The following CRB1 variants were observed in gnomAD, a reference collection of about 807,000 sequenced individuals.
The protein encoded by CRB1 is crumbs cell polarity complex component 1.
Under a neutral mutation model 120.0 loss-of-function variants are expected in CRB1, and 83 were observed. The ratio of observed to expected loss-of-function variants is 0.69; its 90% CI spans 0.58 to 0.83. The LOEUF is 0.83. Among genes scored for constraint, CRB1 ranks in the 40% least tolerant of loss-of-function variants. The pLI is 0.00. For synonymous variants in CRB1, 625 were observed against 612.5 expected (o/e 1.02, Z -0.30); for missense variants, 1,699 against 1,687.6 (o/e 1.01, Z -0.12).
intron 5 of CRB1, among the ~76,000 whole-genome samples, chr1:197,416,762 T>G (rs1571511271): frequency 6.6e-6 from 1 of 152,174 alleles, no homozygotes; most frequent in South Asian, 2.1e-4. Flanking sequence ...CCGGCTGGAG[T>G]GCAGTGGCAC....
At chr1:197,219,125 C>T in the CRB1 span, among the ~76,000 whole-genome samples, 2 of 152,256 alleles carry the variant, frequency 1.3e-5, no homozygotes, top group South Asian at 4.2e-4. Flanking sequence ...AAGCATAAGA[C>T]ATGAGTATGA....
At chr1:197,457,071 C>G (rs1368261735) in intron 11 of CRB1, among the ~76,000 whole-genome samples, 2 of 151,996 alleles carry the variant, frequency 1.3e-5, no homozygotes, top group African/African-American at 4.8e-5. Context: ...ACCCTAAAAC[C>G]CTCATTTCAT....
At chr1:197,418,658 A>G (rs1193298152) in intron 5 of CRB1, among the ~76,000 whole-genome samples, 1 of 152,214 alleles carries the variant, frequency 6.6e-6, no homozygotes, top group African/African-American at 2.4e-5. Context: ...ACACAAAAAG[A>G]TCACTTTGGT....
At chr1:197,428,251 C>G (rs1202368578) in intron 7 of CRB1, among the ~76,000 whole-genome samples, 1 of 152,286 alleles carries the variant, frequency 6.6e-6, no homozygotes, top group Middle Eastern at 3.4e-3. Flanking sequence ...ATAGGCTTCT[C>G]TCACCCTCAC....
At chr1:197,228,893 A>G in the CRB1 span, among the ~76,000 whole-genome samples, 1 of 152,328 alleles carries the variant, frequency 6.6e-6, no homozygotes, top group Middle Eastern at 3.4e-3. Context: ...AGCAAGAGAA[A>G]ATGAGGAGGT....
chr1:197,222,738 A>G, the CRB1 span: 20 of 892,246 alleles, frequency 2.2e-5, no homozygotes, highest in Non-Finnish European at 3.8e-5. Flanking sequence ...GAGTAGGAAC[A>G]ATGGAGTTGA....
chr1:197,342,587 C>T (rs1260573689), intron 2 of CRB1, among the ~76,000 whole-genome samples: 1 of 152,148 alleles, frequency 6.6e-6, no homozygotes, highest in Non-Finnish European at 1.5e-5. Flanking sequence ...ATTTGACACG[C>T]TGGCTGCTCC....
chr1:197,421,585 C>T lies in CRB1; in HGVS notation c.1757C>T (p.Ser586Phe). The T allele has an allele frequency of 6.2e-7, 1 of 1,614,176 alleles. No homozygotes were observed. The highest frequency in any genetic ancestry group is 8.5e-7 in the Non-Finnish European group (1 of 1,180,042). The change falls in exon 6 of 12, where the codon TCC (serine) becomes TTC (phenylalanine). Residue 586 changes from serine to phenylalanine, a missense_variant. By Grantham distance (155) the Ser-to-Phe change is radical (BLOSUM62 -2). Coordinates refer to ENST00000367400, the MANE Select transcript of CRB1 (RefSeq NM_201253.3). ...GTGACCCTTACCTTAATCGACGACT[C>T]CTGTAAGGAGAAATGCATCGCGAAA... ...EAVTLTLIDD[S>F]CKEKCIAKAP...
At chr1:197,222,718 T>A in the CRB1 span, 1 of 840,210 alleles carries the variant, frequency 1.2e-6, no homozygotes, top group Non-Finnish European at 2.1e-6. Context: ...TCATTTCCCC[T>A]GAATTCTCTG....
Position 197,477,667 on chromosome 1 carries a change from G to A in CRB1, c.4009G>A (p.Ala1337Thr), listed in dbSNP as rs1184114108. ...FAGERCEVDLADDLISDIFTT... is the reference protein window; with the variant it reads ...FAGERCEVDLTDDLISDIFTT... ...CCAATGATTTCAATCTTTCCAGTTGGCAGATGACTTGATCTCCGACATTTT... is the reference window on the plus strand; with the variant it reads ...CCAATGATTTCAATCTTTCCAGTTGACAGATGACTTGATCTCCGACATTTT... Residue 1337 changes from alanine to threonine, a missense_variant, in exon 12 of 12, where the codon GCA (alanine) becomes ACA (threonine). Physicochemically the swap from Ala to Thr is moderately conservative, Grantham distance 58. Coordinates refer to ENST00000367400, the MANE Select transcript of CRB1 (RefSeq NM_201253.3). 6.2e-7 allele frequency: 1 copy of A among 1,613,542 alleles called. No homozygotes were observed. Among genetic ancestry groups the A allele is most frequent in the Non-Finnish European group, 8.5e-7 (1 of 1,179,596 alleles).
chr1:197,427,395 C>A, intron 6 of CRB1, 59 bp from the exon 7 acceptor site: 1 of 1,526,138 alleles, frequency 6.6e-7, no homozygotes, highest in Non-Finnish European at 9.1e-7. Flanking sequence ...TCCCTTCTGT[C>A]TTTTGAGCCT....
Position 197,421,274 on chromosome 1 carries a change from C to T in CRB1, c.1446C>T (p.Ile482=), listed in dbSNP as rs150894028. 15 of 1,614,050 alleles carry T rather than the reference C, an allele frequency of 9.3e-6. No individual in the cohort carries two copies. The highest frequency in any genetic ancestry group is 4.4e-5 in the South Asian group (4 of 91,090). ...PSGYTGSLCE[I]ATTLSFEGDG... ...GCTACACCGGGTCCCTGTGTGAAAT[C>T]GCAACCACACTTTCATTTGAGGGCG... The change falls in exon 6 of 12, where the codon ATC becomes ATT. Residue 482 remains isoleucine (I), a synonymous_variant. Coordinates refer to ENST00000367400, the MANE Select transcript of CRB1 (RefSeq NM_201253.3).
chr1:197,411,590 A>G (rs1663715588), intron 5 of CRB1, among the ~76,000 whole-genome samples: 1 of 152,022 alleles, frequency 6.6e-6, no homozygotes, highest in South Asian at 2.1e-4. Flanking sequence ...TATCTATTCC[A>G]TTCTGTCCCA....
At chr1:197,381,216 A>T (rs1430912988) in intron 5 of CRB1, among the ~76,000 whole-genome samples, 1 of 152,138 alleles carries the variant, frequency 6.6e-6, no homozygotes. Context: ...CCTCCTTTTA[A>T]TATTTTAGCC....
chr1:197,206,400 CT>C, the CRB1 span, among the ~76,000 whole-genome samples: 1 of 152,148 alleles, frequency 6.6e-6, no homozygotes, highest in African/African-American at 2.4e-5. Context: ...AGGCTATGAA[CT>C]TTCCTTTTAG....
intron 1 of CRB1, among the ~76,000 whole-genome samples, chr1:197,326,074 A>G (rs1224342176): frequency 6.6e-6 from 1 of 152,214 alleles, no homozygotes; most frequent in Non-Finnish European, 1.5e-5. Context: ...TCAAGGATCA[A>G]TAATTATACA....
chr1:197,392,917 A>G (rs558000950), intron 5 of CRB1, among the ~76,000 whole-genome samples: 4 of 152,204 alleles, frequency 2.6e-5, no homozygotes, highest in African/African-American at 9.6e-5. Context: ...CAGCTTATAA[A>G]TGCAGGTAGC....
chr1:197,222,759 C>T, the CRB1 span: 1 of 1,060,990 alleles, frequency 9.4e-7, no homozygotes, highest in Non-Finnish European at 1.5e-6. Flanking sequence ...CTTGCTCTTT[C>T]TTTCTGAACT....
chr1:197,231,077 A>C, the CRB1 span, among the ~76,000 whole-genome samples: 7 of 152,198 alleles, frequency 4.6e-5, no homozygotes, highest in African/African-American at 1.7e-4. Context: ...AATGCTATAA[A>C]ATGTGTACAC....
Sources: allele counts gnomAD v4.1 joint callset (sites outside exome capture counted in the v4.1 genomes callset), GRCh38; gene constraint gnomAD v4.1.1; transcripts MANE v1.5; gene names NCBI Gene and HGNC (gene_info 2026-07-23, HGNC 2026-07-21).